The following PHF21A variants were observed in gnomAD, a reference collection of about 807,000 sequenced individuals.
PHF21A encodes the protein BHC80a.
Under a neutral mutation model 82.5 loss-of-function variants are expected in PHF21A, and 11 were observed. The observed-to-expected ratio is 0.13, with a 90% CI of 0.08 to 0.22. The LOEUF (loss-of-function observed/expected upper bound fraction) is 0.22. PHF21A is among the 10% of genes least tolerant of loss of function. The pLI is 1.00. For missense variants in PHF21A, 579 were observed against 837.8 expected (o/e 0.69, Z 3.81); for synonymous variants, 297 against 302.8 (o/e 0.98, Z 0.20).
At chr11:45,981,539 A>T (rs2094287726) in intron 6 of PHF21A, among the ~76,000 whole-genome samples, 1 of 151,960 alleles carries the variant, frequency 6.6e-6, no homozygotes, top group South Asian at 2.1e-4. Context: ...TTGGGCTCTG[A>T]CTCTCCTGCC....
chr11:46,105,895 A>G (rs1426073288), intron 1 of PHF21A, among the ~76,000 whole-genome samples: 1 of 152,248 alleles, frequency 6.6e-6, no homozygotes, highest in Non-Finnish European at 1.5e-5. Flanking sequence ...CTATTGCAGT[A>G]TAAGTTATTG....
intron 6 of PHF21A, among the ~76,000 whole-genome samples, chr11:45,993,316 C>T (rs752278112): frequency 6.6e-6 from 1 of 152,046 alleles, no homozygotes; most frequent in Non-Finnish European, 1.5e-5. Flanking sequence ...CACATATTTA[C>T]ACAGCACTTT....
chr11:45,964,373 T>C (rs2093310647), intron 10 of PHF21A, among the ~76,000 whole-genome samples: 1 of 152,130 alleles, frequency 6.6e-6, no homozygotes, highest in African/African-American at 2.4e-5. Context: ...ATTTGTGAGC[T>C]GCCTGGGTTT....
intron 6 of PHF21A, among the ~76,000 whole-genome samples, chr11:46,055,899 G>A (rs1001253968): frequency 1.3e-5 from 2 of 152,158 alleles, no homozygotes; most frequent in African/African-American, 4.8e-5. Context: ...TGCTAATTCA[G>A]AATCAGTTCC....
chr11:46,011,859 A>G (rs1003237370), intron 6 of PHF21A, among the ~76,000 whole-genome samples: 15 of 152,210 alleles, frequency 9.9e-5, no homozygotes, highest in African/African-American at 3.6e-4. Context: ...ATGCAACACA[A>G]CAAAACAAAA....
chr11:45,988,504 T>C (rs534712528), intron 6 of PHF21A, among the ~76,000 whole-genome samples: 113 of 152,324 alleles, frequency 7.4e-4, no homozygotes, highest in Admixed American at 3.1e-3. Context: ...TTAACAAAAG[T>C]ACATTCTTAA....
intron 6 of PHF21A, among the ~76,000 whole-genome samples, chr11:46,060,376 A>G (rs1479714810): frequency 1.3e-5 from 2 of 152,192 alleles, no homozygotes; most frequent in Non-Finnish European, 2.9e-5. Context: ...CCAATATTCT[A>G]GTCTCCTCCT....
chr11:45,992,569 C>G (rs2094749536), intron 6 of PHF21A, among the ~76,000 whole-genome samples: 1 of 152,106 alleles, frequency 6.6e-6, no homozygotes, highest in African/African-American at 2.4e-5. Flanking sequence ...TTTTTGACAT[C>G]ACAAGGTGAA....
intron 6 of PHF21A, among the ~76,000 whole-genome samples, chr11:46,001,449 T>G (rs1353218190): frequency 6.6e-6 from 1 of 151,630 alleles, no homozygotes; most frequent in Admixed American, 6.6e-5. Context: ...TGATATAACC[T>G]AGGAAATAAA....
chr11:46,111,858 T>C (rs2097218000), intron 1 of PHF21A, among the ~76,000 whole-genome samples: 1 of 152,208 alleles, frequency 6.6e-6, no homozygotes, highest in Admixed American at 6.5e-5. Context: ...TGGCCTCCAA[T>C]ACATCAATCC....
rs1255487958 is a variant in PHF21A, at chr11:45,932,581, T to G, written c.*1387A>C. On this transcript the variant is annotated 3_prime_UTR_variant, in exon 19 of 19. Transcript: ENST00000676320. The surrounding 1 kb of genome is among the most constrained non-coding windows in gnomAD (Gnocchi z 4.3). Reference sequence around the variant, plus strand: ...GGCATTTTCTCCAGTTCTGACACCTTTTTAATAGAAATCACTGTTTTTAGG... The same window carrying G: ...GGCATTTTCTCCAGTTCTGACACCTGTTTAATAGAAATCACTGTTTTTAGG... 2 of 152,660 alleles carry G rather than the reference T, an allele frequency of 1.3e-5. No individual in the cohort carries two copies. Among genetic ancestry groups the G allele is most frequent in the Non-Finnish European group, 2.9e-5 (2 of 68,046 alleles). 9.5% of individuals were successfully genotyped at this position (152,660 alleles called of 1,614,324 possible). A position where few individuals can be genotyped will look rare whatever the true frequency, so the allele number is the denominator to read the frequency against.
intron 6 of PHF21A, among the ~76,000 whole-genome samples, chr11:45,998,766 C>A (rs2095005598): frequency 6.6e-6 from 1 of 151,890 alleles, no homozygotes; most frequent in African/African-American, 2.4e-5. Flanking sequence ...CCTACCTCGG[C>A]TTCCCAAAGT....
chr11:46,022,456 T>TA lies in PHF21A; in HGVS notation c.154-42491dup, dbSNP rs552595322. Among the ~76,000 whole-genome samples, 1,056 of 150,828 alleles carry TA rather than the reference T, an allele frequency of 7.0e-3. 5 individuals are homozygous for TA. Among genetic ancestry groups the TA allele is most frequent in the Non-Finnish European group, 0.011 (730 of 67,582 alleles). On this transcript the variant is annotated intron_variant, in intron 6 of 18. Coordinates refer to ENST00000676320, the MANE Select transcript of PHF21A (RefSeq NM_001352027.3). ...GGCAACAAAGTGAGACCCTGTCTCT[T>TA]AAAAAAAAAGAAAAAGAAACAAAAA...
chr11:46,025,188 TAA>T (rs376136660), intron 6 of PHF21A, among the ~76,000 whole-genome samples: 1 of 144,810 alleles, frequency 6.9e-6, no homozygotes, highest in Admixed American at 6.9e-5. Context: ...GTATACAGAT[TAA>T]AAAAAAAAAA....
In PHF21A at chr11:46,033,980, T is replaced by C. The variant is rs138625045; in HGVS notation, c.153+42774A>G. 1.3e-3 allele frequency among the ~76,000 whole-genome samples: 200 copies of C among 152,352 alleles called. 4 individuals carry two copies. The East Asian group carries it at 0.036, about 27-fold the overall frequency. On this transcript the variant is annotated intron_variant, in intron 6 of 18. Coordinates refer to ENST00000676320, the MANE Select transcript of PHF21A (RefSeq NM_001352027.3). ...AGTTGTTGAACAATTTTATATTCCATTCAGCAGTGTATAAGGTTTCTTGCT... is the reference window on the plus strand; with the variant it reads ...AGTTGTTGAACAATTTTATATTCCACTCAGCAGTGTATAAGGTTTCTTGCT...
At chr11:46,103,552 A>C (rs2097122930) in intron 1 of PHF21A, among the ~76,000 whole-genome samples, 1 of 152,208 alleles carries the variant, frequency 6.6e-6, no homozygotes, top group South Asian at 2.1e-4. Flanking sequence ...GGACAAAATA[A>C]AATATACACC....
chr11:45,995,420 G>A (rs980573809), intron 6 of PHF21A, among the ~76,000 whole-genome samples: 12 of 152,186 alleles, frequency 7.9e-5, no homozygotes, highest in Admixed American at 7.9e-4. Context: ...ACACAGGGGT[G>A]CATACCTATA....
chr11:45,997,703 T>A (rs1186294887), intron 6 of PHF21A, among the ~76,000 whole-genome samples: 3 of 152,228 alleles, frequency 2.0e-5, no homozygotes, highest in Non-Finnish European at 4.4e-5. Context: ...CCAATCTACC[T>A]GTTCAGGATC....
chr11:45,997,004 A>C (rs971934297), intron 6 of PHF21A, among the ~76,000 whole-genome samples: 3 of 152,256 alleles, frequency 2.0e-5, no homozygotes, highest in Non-Finnish European at 4.4e-5. Flanking sequence ...TGGTACACCA[A>C]TTTATTCACC....
Sources: allele counts gnomAD v4.1 joint callset (sites outside exome capture counted in the v4.1 genomes callset), GRCh38; gene constraint gnomAD v4.1.1; non-coding constraint Gnocchi (gnomAD v3.1); transcripts MANE v1.5; gene names NCBI Gene and HGNC (gene_info 2026-07-23, HGNC 2026-07-21).